Variants in FAM193A observed in about 807,000 individuals in gnomAD.
FAM193A encodes family with sequence similarity 193 member A.
Under a neutral mutation model 126.5 loss-of-function variants are expected in FAM193A, and 22 were observed. That is an observed-to-expected ratio of 0.17 (90% CI 0.12 to 0.25). FAM193A has a LOEUF of 0.25. Among genes scored for constraint, FAM193A ranks in the 10% least tolerant of loss-of-function variants. The pLI is 1.00. For missense variants in FAM193A, 1,675 were observed against 1,672.8 expected (o/e 1.00, Z -0.02); for synonymous variants, 761 against 646.8 (o/e 1.18, Z -2.68).
chr4:2,715,656 G>A (rs901180638), intron 19 of FAM193A, among the ~76,000 whole-genome samples: 1 of 152,132 alleles, frequency 6.6e-6, no homozygotes, highest in Non-Finnish European at 1.5e-5. Flanking sequence ...CGGAGACTTA[G>A]GGCAGTCCCT....
chr4:2,677,741 C>CA (rs36047465), intron 13 of FAM193A, among the ~76,000 whole-genome samples: 12,759 of 89,238 alleles, frequency 0.14, 1,334 homozygotes, highest in African/African-American at 0.33. Context: ...AACACTGTCT[C>CA]AAAAAAAAAA....
chr4:2,603,721 A>C (rs1741360999), intron 2 of FAM193A, among the ~76,000 whole-genome samples: 1 of 151,986 alleles, frequency 6.6e-6, no homozygotes, highest in Non-Finnish European at 1.5e-5. Context: ...GGCCTCCCAA[A>C]GTACAGGTGT....
rs751278090 is a variant in FAM193A, at chr4:2,639,840, G to T, written c.1144G>T (p.Ala382Ser). ...SEPLLQSNLP[A>S]LVSQIRLGTT... Reference sequence around the variant, plus strand: ...GCCACTTCTTCAGAGCAACTTGCCCGCACTGGTGTCACAGATCAGGTATTT... The same window carrying T: ...GCCACTTCTTCAGAGCAACTTGCCCTCACTGGTGTCACAGATCAGGTATTT... The change falls in exon 6 of 21, where the codon GCA becomes TCA. Residue 382 changes from alanine (A) to serine (S), a missense_variant. Transcript: ENST00000637812. 6 of 1,613,760 alleles carry T rather than the reference G, an allele frequency of 3.7e-6. No homozygotes were observed. The highest frequency in any genetic ancestry group is 2.2e-5 in the South Asian group (2 of 91,066).
chr4:2,719,758 A>T (rs540544951), intron 20 of FAM193A, among the ~76,000 whole-genome samples: 1 of 145,302 alleles, frequency 6.9e-6, no homozygotes, highest in East Asian at 2.0e-4. Context: ...AAAAAAAAAA[A>T]TCCTCCTTCC....
intron 6 of FAM193A, among the ~76,000 whole-genome samples, chr4:2,642,005 G>A (rs1440735423): frequency 6.6e-6 from 1 of 151,208 alleles, no homozygotes; most frequent in African/African-American, 2.4e-5. Context: ...GGGAGGTCGA[G>A]GCGGGCCAGG....
At chr4:2,545,801 C>T (rs908187276) in intron 1 of FAM193A, among the ~76,000 whole-genome samples, 1 of 152,168 alleles carries the variant, frequency 6.6e-6, no homozygotes, top group African/African-American at 2.4e-5. Context: ...CCCACCTCAG[C>T]CTCCCAGGTA....
At chr4:2,540,539 TC>T (rs1408286009) in intron 1 of FAM193A, among the ~76,000 whole-genome samples, 1 of 151,682 alleles carries the variant, frequency 6.6e-6, no homozygotes, top group African/African-American at 2.4e-5. Context: ...TCCCAGCTAC[TC>T]CGGAGGCTGA....
At chr4:2,677,948 CATTT>C (rs1486854990) in intron 13 of FAM193A, among the ~76,000 whole-genome samples, 2 of 151,918 alleles carry the variant, frequency 1.3e-5, no homozygotes, top group South Asian at 2.1e-4. Flanking sequence ...TATGTGTTTT[CATTT>C]ATTTATGTTT....
rs1304206616 is a variant in FAM193A, at chr4:2,596,348, A to G, written c.501+19A>G. 3 of 699,284 alleles carry G rather than the reference A, an allele frequency of 4.3e-6. No homozygotes were observed. The highest frequency in any genetic ancestry group is 3.0e-4 in the Middle Eastern group (1 of 3,378). 43.3% of individuals were successfully genotyped at this position (699,284 alleles called of 1,614,324 possible). A position where few individuals can be genotyped will look rare whatever the true frequency, so the allele number is the denominator to read the frequency against. The stretch of plus-strand genomic sequence containing the variant: ...GCCAGTGGTGAGTGGCTGCCAGCAC[A>G]GGCAGCGCAGGGCGTTGGCTCCCCC... On this transcript the variant is annotated intron_variant, in intron 2 of 20. Coordinates refer to ENST00000637812, the MANE Select transcript of FAM193A (RefSeq NM_001366318.2).
intron 6 of FAM193A, among the ~76,000 whole-genome samples, chr4:2,644,135 A>T (rs954052497): frequency 6.6e-6 from 1 of 152,038 alleles, no homozygotes; most frequent in Non-Finnish European, 1.5e-5. Flanking sequence ...GACTCTTTTG[A>T]TCCTAGCACA....
Position 2,700,231 on chromosome 4 carries a change from G to A in FAM193A, c.4059G>A (p.Arg1353=), listed in dbSNP as rs1447542022. 1.2e-6 allele frequency: 2 copies of A among 1,613,956 alleles called. No homozygotes were observed. The highest frequency in any genetic ancestry group is 4.5e-5 in the East Asian group (2 of 44,822). Residue 1353 remains arginine (R), a synonymous_variant, in exon 19 of 21, where the codon AGG becomes AGA. Coordinates refer to ENST00000637812, the MANE Select transcript of FAM193A (RefSeq NM_001366318.2). The part of the protein sequence containing the change: ...TSKASSEPAR[R]PTEPPKATEG... ...AGGCCAGCAGCGAGCCAGCGAGGAG[G>A]CCCACAGAGCCCCCCAAGGCCACAG...
chr4:2,679,133 G>A (rs576730693), intron 13 of FAM193A, among the ~76,000 whole-genome samples: 16 of 152,082 alleles, frequency 1.1e-4, no homozygotes, highest in Non-Finnish European at 1.9e-4. Context: ...AATGGGTGTT[G>A]AATTTGTCAC....
intron 1 of FAM193A, among the ~76,000 whole-genome samples, chr4:2,595,196 G>A (rs1334321035): frequency 1.3e-5 from 2 of 151,962 alleles, no homozygotes; most frequent in East Asian, 1.9e-4. Flanking sequence ...CTACAGGCAC[G>A]CACCACTATG....
chr4:2,585,247 A>T (rs1473897194), intron 1 of FAM193A, among the ~76,000 whole-genome samples: 1 of 152,222 alleles, frequency 6.6e-6, no homozygotes, highest in Non-Finnish European at 1.5e-5. Context: ...GATATCCAGA[A>T]AAGGAATTAC....
chr4:2,570,009 G>T (rs764743425), intron 1 of FAM193A, among the ~76,000 whole-genome samples: 1 of 150,482 alleles, frequency 6.6e-6, no homozygotes, highest in Non-Finnish European at 1.5e-5. Context: ...CACACTGTTA[G>T]GGTCAGATGC....
chr4:2,725,613 C>G (rs1011500283), intron 20 of FAM193A, among the ~76,000 whole-genome samples: 1 of 151,920 alleles, frequency 6.6e-6, no homozygotes, highest in South Asian at 2.1e-4. Flanking sequence ...AAATTAACCT[C>G]TTAATGTTGT....
At chr4:2,618,047 G>C (rs964729805) in intron 2 of FAM193A, among the ~76,000 whole-genome samples, 1 of 152,132 alleles carries the variant, frequency 6.6e-6, no homozygotes, top group Non-Finnish European at 1.5e-5. Flanking sequence ...TGGAATTTGA[G>C]GTTGTTGGTC....
At chr4:2,667,589 TTTTA>T (rs1382918452) in intron 12 of FAM193A, among the ~76,000 whole-genome samples, 1 of 152,230 alleles carries the variant, frequency 6.6e-6, no homozygotes, top group African/African-American at 2.4e-5. Flanking sequence ...TTAACGTCCG[TTTTA>T]TTTGTTAGTA....
intron 4 of FAM193A, among the ~76,000 whole-genome samples, chr4:2,627,306 G>A (rs1039128942): frequency 6.6e-6 from 1 of 151,694 alleles, no homozygotes; most frequent in Admixed American, 6.6e-5. Flanking sequence ...GATTACAGGT[G>A]CCCACCACTG....
Sources: gnomAD v4.1 joint callset for allele counts (sites outside exome capture counted in the v4.1 genomes callset) on GRCh38, gnomAD v4.1.1 for gene constraint, MANE v1.5 for transcripts, NCBI Gene and HGNC (gene_info 2026-07-23, HGNC 2026-07-21) for gene names.